CAMKMT: variants seen among roughly 807,000 people sequenced by gnomAD.
CAMKMT encodes the protein CaM KMT.
A neutral mutation model predicts 48.0 loss-of-function variants in CAMKMT; 53 were observed. That is an observed-to-expected ratio of 1.10 (90% CI 0.89 to 1.39). The LOEUF (loss-of-function observed/expected upper bound fraction) is 1.39, where lower values mean the gene tolerates loss of function less well. Among genes scored for constraint, CAMKMT ranks in the 40% most tolerant of loss-of-function variants. CAMKMT has a pLI of 0.00. For synonymous variants in CAMKMT, 165 were observed against 152.3 expected, an observed-to-expected ratio of 1.08 and a Z score of -0.61; for missense variants, 428 against 402.7, an observed-to-expected ratio of 1.06 and a Z score of -0.54.
At chr2:44,683,674 T>TTAGGC (rs960241467) in intron 3 of CAMKMT, among the ~76,000 whole-genome samples, 1 of 151,266 alleles carries the variant, frequency 6.6e-6, no homozygotes, top group Non-Finnish European at 1.5e-5. Context: ...TACAAAAAAA[T>TTAGGC]TAGGCGGGCG....
chr2:44,556,253 C>T (rs890026591), intron 3 of CAMKMT, among the ~76,000 whole-genome samples: 2 of 152,004 alleles, frequency 1.3e-5, no homozygotes, highest in Non-Finnish European at 2.9e-5. Flanking sequence ...ATTCTCCTGC[C>T]TCAGCCTCCC....
intron 3 of CAMKMT, among the ~76,000 whole-genome samples, chr2:44,552,742 G>A (rs1171043651): frequency 6.6e-6 from 1 of 152,178 alleles, no homozygotes; most frequent in Non-Finnish European, 1.5e-5. Context: ...AAAGTCATAT[G>A]GTATGTGATG....
chr2:44,724,571 G>A (rs932106421), intron 7 of CAMKMT, among the ~76,000 whole-genome samples: 1 of 152,156 alleles, frequency 6.6e-6, no homozygotes, highest in African/African-American at 2.4e-5. Flanking sequence ...TCCCTGGATT[G>A]TTGCTCAGAT....
intron 3 of CAMKMT, among the ~76,000 whole-genome samples, chr2:44,553,271 C>A (rs554722520): frequency 6.6e-6 from 1 of 152,200 alleles, no homozygotes; most frequent in African/African-American, 2.4e-5. Flanking sequence ...ACTCTGTTCT[C>A]TCATACAAGT....
rs140599995 is a variant in CAMKMT, at chr2:44,603,199, G to A, written c.377-101084G>A. ...TGCCTCCTGGCTTCAAGCAATTCTC[G>A]TGCCTCAGCCTCCTGAGTAGCTGGG... On this transcript the variant is annotated intron_variant, in intron 3 of 10. Transcript: ENST00000378494. Among the ~76,000 whole-genome samples, 1,110 of 151,956 alleles carry A rather than the reference G, an allele frequency of 7.3e-3. 25 individuals carry two copies. Among genetic ancestry groups the A allele is most frequent in the African/African-American group, 0.025 (1,044 of 41,386 alleles).
At chr2:44,471,721 G>A (rs1668428420) in intron 3 of CAMKMT, among the ~76,000 whole-genome samples, 1 of 152,070 alleles carries the variant, frequency 6.6e-6, no homozygotes, top group Non-Finnish European at 1.5e-5. Flanking sequence ...GATTCTTGAT[G>A]TAAAGTATGG....
intron 3 of CAMKMT, among the ~76,000 whole-genome samples, chr2:44,524,752 C>T (rs1476127180): frequency 6.6e-6 from 1 of 152,206 alleles, no homozygotes; most frequent in Non-Finnish European, 1.5e-5. Context: ...GTCACAATAA[C>T]TGGGACTCCT....
At chr2:44,458,327 G>T (rs935597768) in intron 3 of CAMKMT, among the ~76,000 whole-genome samples, 1 of 152,144 alleles carries the variant, frequency 6.6e-6, no homozygotes, top group South Asian at 2.1e-4. Flanking sequence ...GATAACAGGT[G>T]TGAGCCACTG....
chr2:44,452,768 T>C (rs1667357868), intron 3 of CAMKMT, among the ~76,000 whole-genome samples: 1 of 151,970 alleles, frequency 6.6e-6, no homozygotes. Flanking sequence ...GTGAAAAAAT[T>C]TTACAAATGA....
intron 3 of CAMKMT, among the ~76,000 whole-genome samples, chr2:44,593,763 CTTTTT>C (rs61603790): frequency 8.2e-6 from 1 of 122,698 alleles, no homozygotes. Context: ...AGACAACTTC[CTTTTT>C]TTTTTTTTTT....
intron 3 of CAMKMT, among the ~76,000 whole-genome samples, chr2:44,570,291 C>T (rs1028995949): frequency 1.3e-5 from 2 of 152,076 alleles, no homozygotes; most frequent in Non-Finnish European, 2.9e-5. Flanking sequence ...AATAAAACCC[C>T]AGTGTGCCAA....
intron 3 of CAMKMT, among the ~76,000 whole-genome samples, chr2:44,431,686 T>C (rs1300478515): frequency 6.6e-6 from 1 of 152,152 alleles, no homozygotes; most frequent in African/African-American, 2.4e-5. Context: ...TTTGCAGAAA[T>C]TTTTTTCTAG....
chr2:44,521,271 A>G (rs1671093358), intron 3 of CAMKMT, among the ~76,000 whole-genome samples: 1 of 152,032 alleles, frequency 6.6e-6, no homozygotes, highest in African/African-American at 2.4e-5. Context: ...TGTTGTAGGC[A>G]CTATTATCCC....
intron 3 of CAMKMT, among the ~76,000 whole-genome samples, chr2:44,599,181 G>A (rs2103850179): frequency 6.6e-6 from 1 of 152,240 alleles, no homozygotes; most frequent in South Asian, 2.1e-4. Flanking sequence ...CTAGGTATGA[G>A]AAGCCTTAGA....
chr2:44,493,682 T>C (rs1010284896), intron 3 of CAMKMT, among the ~76,000 whole-genome samples: 3 of 152,218 alleles, frequency 2.0e-5, no homozygotes, highest in Admixed American at 6.5e-5. Flanking sequence ...GAGAGCTCCT[T>C]CTTTGGTAAT....
chr2:44,616,980 T>C (rs191130455), intron 3 of CAMKMT, among the ~76,000 whole-genome samples: 11 of 152,312 alleles, frequency 7.2e-5, no homozygotes, highest in Admixed American at 6.5e-4. Context: ...AAAGAGACTA[T>C]GATGAAATTA....
At chr2:44,399,945 T>C (rs991188150) in intron 3 of CAMKMT, among the ~76,000 whole-genome samples, 8 of 152,208 alleles carry the variant, frequency 5.3e-5, no homozygotes, top group African/African-American at 1.4e-4. Flanking sequence ...ATAAATTATA[T>C]GTGTATGTTT....
chr2:44,476,103 A>G (rs1668675317), intron 3 of CAMKMT, among the ~76,000 whole-genome samples: 1 of 152,208 alleles, frequency 6.6e-6, no homozygotes, highest in African/African-American at 2.4e-5. Flanking sequence ...TATTTACGAC[A>G]TCTAAAATGC....
chr2:44,564,377 C>T lies in CAMKMT; in HGVS notation c.377-139906C>T, dbSNP rs545875468. On this transcript the variant is annotated intron_variant, in intron 3 of 10. Coordinates refer to ENST00000378494, the MANE Select transcript of CAMKMT (RefSeq NM_024766.5). ...TTTAATAGAAACGGGGTTTCACCAC[C>T]TTGGCCAGGTTAGTCTCAAACTCCT... Among the ~76,000 whole-genome samples, 6 of 151,896 alleles carry T rather than the reference C, an allele frequency of 4.0e-5. No homozygotes were observed. The East Asian group carries it at 1.2e-3, about 30-fold the overall frequency.
Sources: gnomAD v4.1 joint callset for allele counts (sites outside exome capture counted in the v4.1 genomes callset) on GRCh38, gnomAD v4.1.1 for gene constraint, MANE v1.5 for transcripts, NCBI Gene and HGNC (gene_info 2026-07-23, HGNC 2026-07-21) for gene names.